Variants in SQOR observed in about 807,000 individuals in gnomAD.
SQOR encodes the protein sulfide quinone oxidoreductase, also known as sulfide:quinone oxidoreductase, mitochondrial.
Under a neutral mutation model 48.6 loss-of-function variants are expected in SQOR, and 39 were observed. The observed-to-expected ratio is 0.80, with a 90% CI of 0.62 to 1.05. The LOEUF is 1.05. SQOR is among the 50% of genes least tolerant of loss of function. The pLI is 0.00. For synonymous variants in SQOR, 220 were observed against 206.2 expected (o/e 1.07, Z -0.57); for missense variants, 561 against 559.9 (o/e 1.00, Z -0.02).
chr15:45,689,454 G>A (rs945741462), intron 9 of SQOR: 1 of 261,108 alleles, frequency 3.8e-6, no homozygotes, highest in East Asian at 8.2e-5. Context: ...GTCTTGCTCT[G>A]TTGCCCAGGT....
At chr15:45,633,279 C>T (rs548341258), upstream of SQOR, among the ~76,000 whole-genome samples, 9 of 152,278 alleles carry the variant, frequency 5.9e-5, 1 homozygote, top group African/African-American at 1.9e-4. Flanking sequence ...TAATTATAAA[C>T]ATTAAGCATT....
Position 45,674,030 on chromosome 15 carries a change from GC to G in SQOR, c.654+230del, listed in dbSNP as rs1331355371. On this transcript the variant is annotated intron_variant, in intron 5 of 9. Coordinates refer to ENST00000260324, the MANE Select transcript of SQOR (RefSeq NM_021199.4). ...GTTTTCAATTTGACATGGCTTTCCA[GC>G]TTTTTTTCTGTATACTTAAATATGG... 5.6e-6 allele frequency: 3 copies of G among 537,402 alleles called. No homozygotes were observed. In the East Asian group the frequency reaches 9.7e-5, roughly 17 times the overall value. 33.3% of individuals were successfully genotyped at this position (537,402 alleles called of 1,614,324 possible).
At chr15:45,645,647 A>G (rs1016403221) in intron 1 of SQOR, among the ~76,000 whole-genome samples, 13 of 152,334 alleles carry the variant, frequency 8.5e-5, no homozygotes, top group Non-Finnish European at 4.4e-5. Flanking sequence ...CAACTGAAAC[A>G]TGGCTTGTCC....
At position 45,691,167 on chromosome 15, in the gene SQOR, C is replaced by T. The variant is rs1285148013; in HGVS notation, c.*137C>T. ...GATGGGTAATGGTGACCAAATGCCT[C>T]CCTTTTCAGTACCTTTGAACAGCAA... On this transcript the variant is annotated 3_prime_UTR_variant, in exon 10 of 10. Transcript: ENST00000260324. 1.3e-6 allele frequency: 1 copy of T among 747,852 alleles called. No homozygotes were observed. Among genetic ancestry groups the T allele is most frequent in the Non-Finnish European group, 2.4e-6 (1 of 414,160 alleles). The allele number at this position is 747,852 out of a possible 1,614,324, so 46.3% of individuals were successfully genotyped here. A position where few individuals can be genotyped will look rare whatever the true frequency, so the allele number is the denominator to read the frequency against.
chr15:45,650,963 C>T (rs554741377), intron 1 of SQOR, among the ~76,000 whole-genome samples: 15 of 152,340 alleles, frequency 9.8e-5, no homozygotes, highest in Admixed American at 2.0e-4. Context: ...TAGTGGATCC[C>T]GTGCCAGAGC....
At chr15:45,687,077 G>A (rs2140964046) in intron 7 of SQOR, among the ~76,000 whole-genome samples, 1 of 152,272 alleles carries the variant, frequency 6.6e-6, no homozygotes, top group Admixed American at 6.5e-5. Flanking sequence ...TGAGATTACA[G>A]GCGTAAGCCA....
intron 3 of SQOR, among the ~76,000 whole-genome samples, chr15:45,666,892 CTCCCCTCCCCTCTCCTTTCCTTTCTCCCA>C (rs1217349912): frequency 3.9e-5 from 2 of 51,206 alleles, no homozygotes; most frequent in African/African-American, 1.6e-4. Flanking sequence ...TTCTCCTCCT[CTCCCCTCCCCTCTCCTTTCCTTTCTCCCA>C]TCCCCTCCCC....
intron 3 of SQOR, among the ~76,000 whole-genome samples, chr15:45,667,175 T>C (rs575471222): frequency 1.5e-5 from 2 of 132,498 alleles, no homozygotes; most frequent in South Asian, 6.3e-4. Flanking sequence ...CCTTGCTCTG[T>C]TGCCCAGGCT....
At chr15:45,681,338 G>A (rs1043002847) in intron 6 of SQOR, among the ~76,000 whole-genome samples, 1 of 152,184 alleles carries the variant, frequency 6.6e-6, no homozygotes, top group African/African-American at 2.4e-5. Flanking sequence ...TGACCTCAGG[G>A]ACCCATGTGC....
At chr15:45,642,182 A>G (rs1220438591) in intron 1 of SQOR, among the ~76,000 whole-genome samples, 1 of 152,164 alleles carries the variant, frequency 6.6e-6, no homozygotes. Flanking sequence ...TTTTATTAAG[A>G]CCTTCCAAGG....
intron 7 of SQOR, 30 bp from the exon 8 acceptor site, chr15:45,688,307 A>G (rs940227831): frequency 5.9e-6 from 9 of 1,532,048 alleles, no homozygotes; most frequent in Non-Finnish European, 8.0e-6. Flanking sequence ...TGATGCTTAC[A>G]TTTTTCTGAC....
At chr15:45,651,689 A>G (rs1400270135) in intron 1 of SQOR, among the ~76,000 whole-genome samples, 2 of 152,104 alleles carry the variant, frequency 1.3e-5, no homozygotes, top group African/African-American at 2.4e-5. Flanking sequence ...GGCTGGTCTC[A>G]AACTCCTGGC....
chr15:45,682,652 G>A lies in SQOR; in HGVS notation c.1039G>A (p.Ala347Thr), dbSNP rs1296167254. Reference sequence around the variant, plus strand: ...CAACCTTCCTACGTCAAAGACCGCTGCTGCAGTAGGTAAGTCAACCAGCTC... The same window carrying A: ...CAACCTTCCTACGTCAAAGACCGCTACTGCAGTAGGTAAGTCAACCAGCTC... ...CTNLPTSKTA[A>T]AVAAQSGILD... is the part of the protein sequence containing the mutation. Residue 347 changes from alanine (A) to threonine (T), a missense_variant, in exon 7 of 10, where the codon GCT becomes ACT. Coordinates refer to ENST00000260324, the MANE Select transcript of SQOR (RefSeq NM_021199.4). The A allele has an allele frequency of 1.2e-6, 2 of 1,613,808 alleles. No homozygotes were observed.
rs549549009 is a variant in SQOR, at chr15:45,646,918, C to G, written c.-18+11810C>G. 1.6e-3 allele frequency among the ~76,000 whole-genome samples: 249 copies of G among 152,268 alleles called. 1 individual carries two copies. The highest frequency in any genetic ancestry group is 3.2e-3 in the Non-Finnish European group (215 of 68,020). The stretch of plus-strand genomic sequence containing the variant: ...GATAAAGACTCCTAAAAAATTAAAT[C>G]AGTACTATTATTGTACCTTGCCCTT... On this transcript the variant is annotated intron_variant, in intron 1 of 9. Transcript: ENST00000260324.
At chr15:45,672,702 C>G (rs1191453495) in intron 4 of SQOR, among the ~76,000 whole-genome samples, 1 of 152,198 alleles carries the variant, frequency 6.6e-6, no homozygotes, top group African/African-American at 2.4e-5. Context: ...TTGCACTCTA[C>G]GAGCCTTCTA....
upstream of SQOR, among the ~76,000 whole-genome samples, chr15:45,632,351 C>T (rs998118646): frequency 6.6e-6 from 1 of 151,994 alleles, no homozygotes; most frequent in South Asian, 2.1e-4. Flanking sequence ...TCCCGAGTAG[C>T]TGGGACTACA....
At chr15:45,688,555 A>G (rs1890264599) in intron 8 of SQOR, 151 bp downstream of exon 8, 1 of 605,352 alleles carries the variant, frequency 1.7e-6, no homozygotes, top group Non-Finnish European at 2.7e-6. Context: ...CTTGTTGCCC[A>G]GGCTGGAGTG....
intron 2 of SQOR, 142 bp downstream of exon 2, chr15:45,659,299 G>T (rs1265563881): frequency 3.5e-6 from 2 of 575,218 alleles, no homozygotes; most frequent in Non-Finnish European, 5.6e-6. Flanking sequence ...CCTGGGCACA[G>T]AAAGCAGCCT....
intron 7 of SQOR, among the ~76,000 whole-genome samples, chr15:45,685,472 C>T (rs1890206684): frequency 6.6e-6 from 1 of 152,204 alleles, no homozygotes; most frequent in African/African-American, 2.4e-5. Context: ...CCTTTAATTA[C>T]TCCCAGCACA....
Sources: gnomAD v4.1 joint callset for allele counts (sites outside exome capture counted in the v4.1 genomes callset) on GRCh38, gnomAD v4.1.1 for gene constraint, MANE v1.5 for transcripts, NCBI Gene and HGNC (gene_info 2026-07-23, HGNC 2026-07-21) for gene names.